The following SRGAP2 variants were observed in gnomAD, a reference collection of about 807,000 sequenced individuals.
The protein encoded by SRGAP2 is SLIT-ROBO Rho GTPase activating protein 2.
In SRGAP2, 15 loss-of-function variants were observed where a neutral mutation model predicts 57.2. The ratio of observed to expected loss-of-function variants is 0.26; its 90% confidence interval spans 0.18 to 0.40. The LOEUF is 0.40. Among genes scored for constraint, SRGAP2 ranks in the 10% least tolerant of loss-of-function variants. The probability of loss-of-function intolerance (pLI) is 1.00; values close to 1 mark genes in which losing one functional copy is unlikely to be tolerated. For synonymous variants in SRGAP2, 249 were observed against 248.0 expected (o/e 1.00, Z -0.04); for missense variants, 520 against 669.6 (o/e 0.78, Z 2.47).
chr1:206,371,532 C>T (rs1401979732), intron 4 of SRGAP2, among the ~76,000 whole-genome samples: 7 of 148,970 alleles, frequency 4.7e-5, no homozygotes, highest in Non-Finnish European at 1.0e-4. Context: ...AGATTGAGAC[C>T]ATCCTGGATA....
At chr1:206,385,006 T>C (rs1170497666) in intron 5 of SRGAP2, among the ~76,000 whole-genome samples, 9 of 149,268 alleles carry the variant, frequency 6.0e-5, no homozygotes, top group Non-Finnish European at 1.0e-4. Context: ...TTTTCTTCCT[T>C]TGTTTTTTTT....
chr1:206,453,328 C>T lies in SRGAP2; in HGVS notation c.2308C>T (p.His770Tyr). Residue 770 changes from histidine to tyrosine, a missense_variant, in exon 20 of 23, where the codon CAC becomes TAC. Physicochemically the swap from His to Tyr is moderately conservative, Grantham distance 83 (BLOSUM62 2). Around this residue, in one of 5 missense-constraint regions of SRGAP2, gnomAD observed 478 missense variants for 373.6 expected, o/e 1.28. Transcript: ENST00000573034. Reference protein sequence around the residue: ...RASDDWWEGRHNGIDGLIPHQ... With the variant: ...RASDDWWEGRYNGIDGLIPHQ... ...TTCCGACGACTGGTGGGAAGGCCGG[C>T]ACAATGGCATCGACGGACTCATCCC... 1.3e-6 allele frequency: 1 copy of T among 755,498 alleles called. No homozygotes were observed. The highest frequency in any genetic ancestry group is 2.6e-5 in the East Asian group (1 of 38,546). The allele number at this position is 755,498 out of a possible 1,614,324, so 46.8% of individuals were successfully genotyped here.
intron 2 of SRGAP2, among the ~76,000 whole-genome samples, chr1:206,256,050 A>G (rs1317485393): frequency 6.7e-6 from 1 of 149,858 alleles, no homozygotes; most frequent in Non-Finnish European, 1.5e-5. Flanking sequence ...TTTATAGTCT[A>G]TTATTTCTGG....
chr1:206,393,794 G>A, intron 7 of SRGAP2, 121 bp downstream of exon 7: 1 of 504,080 alleles, frequency 2.0e-6, no homozygotes. Context: ...TAGGAAGATA[G>A]CAGCCATGAT....
chr1:206,451,699 C>T (rs782761443), intron 19 of SRGAP2, among the ~76,000 whole-genome samples: 17 of 152,276 alleles, frequency 1.1e-4, no homozygotes, highest in African/African-American at 3.8e-4. Context: ...GAGCCTACCT[C>T]GTGGCCAGCT....
intron 4 of SRGAP2, among the ~76,000 whole-genome samples, chr1:206,376,146 A>G (rs567573327): frequency 1.3e-5 from 2 of 151,136 alleles, no homozygotes; most frequent in Non-Finnish European, 3.0e-5. Flanking sequence ...AGGTAATTGT[A>G]TCCTCCTTAT....
intron 21 of SRGAP2, among the ~76,000 whole-genome samples, chr1:206,457,183 G>A (rs1386338022): frequency 1.3e-5 from 2 of 152,022 alleles, no homozygotes; most frequent in Non-Finnish European, 2.9e-5. Flanking sequence ...TTCAGCCCAT[G>A]AGTCAGCTAT....
rs2103239458 is a variant in SRGAP2, at chr1:206,419,490, G to C, written c.1469+90G>C. The stretch of plus-strand genomic sequence containing the variant: ...TGGGAGAGAGCCAAGGAGTTGAGTT[G>C]TAAAGGCATTGAATGACTTTACAAA... On this transcript the variant is annotated intron_variant, in intron 12 of 22. Coordinates refer to ENST00000573034, the MANE Select transcript of SRGAP2 (RefSeq NM_015326.5). The C allele has an allele frequency of 5.2e-6, 4 of 771,052 alleles. No homozygotes were observed. The East Asian group carries it at 9.8e-5, about 19-fold the overall frequency. 47.8% of individuals were successfully genotyped at this position (771,052 alleles called of 1,614,324 possible). A position where few individuals can be genotyped will look rare whatever the true frequency, so the allele number is the denominator to read the frequency against.
At chr1:206,447,186 C>T (rs531490417) in intron 18 of SRGAP2, among the ~76,000 whole-genome samples, 45 of 151,730 alleles carry the variant, frequency 3.0e-4, no homozygotes, top group African/African-American at 9.2e-4. Context: ...TCCCCCTCCT[C>T]CTCCCCCTCC....
At chr1:206,393,909 CAG>C (rs1455821525) in intron 7 of SRGAP2, among the ~76,000 whole-genome samples, 1 of 139,820 alleles carries the variant, frequency 7.2e-6, no homozygotes, top group Non-Finnish European at 1.6e-5. Flanking sequence ...TACAGATTAA[CAG>C]AGAGTTTAGA....
At chr1:206,263,058 G>A (rs1244650300) in intron 2 of SRGAP2, among the ~76,000 whole-genome samples, 1 of 150,672 alleles carries the variant, frequency 6.6e-6, no homozygotes, top group African/African-American at 2.4e-5. Flanking sequence ...CTTTTGATTG[G>A]GCAATTAAGA....
At chr1:206,326,433 C>A (rs1165338927) in intron 3 of SRGAP2, among the ~76,000 whole-genome samples, 1 of 152,222 alleles carries the variant, frequency 6.6e-6, no homozygotes, top group Non-Finnish European at 1.5e-5. Context: ...TTCATGGACC[C>A]TTGGTATTCT....
chr1:206,404,404 G>T (rs1406466127), intron 8 of SRGAP2, among the ~76,000 whole-genome samples: 1 of 152,228 alleles, frequency 6.6e-6, no homozygotes, highest in Non-Finnish European at 1.5e-5. Context: ...ATGTCTCTCT[G>T]CAGACAAGAG....
intron 4 of SRGAP2, among the ~76,000 whole-genome samples, chr1:206,367,252 A>G (rs1654098027): frequency 1.3e-5 from 2 of 152,186 alleles, no homozygotes; most frequent in African/African-American, 4.8e-5. Flanking sequence ...TCTTTTGTAT[A>G]TGTCTTTCTT....
At chr1:206,276,941 A>C (rs1262863267) in intron 2 of SRGAP2, among the ~76,000 whole-genome samples, 10 of 149,740 alleles carry the variant, frequency 6.7e-5, no homozygotes, top group Non-Finnish European at 1.2e-4. Flanking sequence ...TTTAGGATAC[A>C]TCCCCAAATG....
intron 18 of SRGAP2, among the ~76,000 whole-genome samples, chr1:206,447,668 T>A (rs1046110540): frequency 3.3e-5 from 5 of 152,188 alleles, no homozygotes. Context: ...AGCTTTGGTT[T>A]TCCCCCTTGC....
intron 4 of SRGAP2, among the ~76,000 whole-genome samples, chr1:206,362,800 A>G (rs1677008455): frequency 6.6e-6 from 1 of 151,780 alleles, no homozygotes; most frequent in Non-Finnish European, 1.5e-5. Context: ...AAGTGGAAAC[A>G]GTATGTTTCC....
intron 2 of SRGAP2, among the ~76,000 whole-genome samples, chr1:206,289,197 A>T: frequency 7.8e-6 from 1 of 128,344 alleles, no homozygotes. Flanking sequence ...ACCCATTCCC[A>T]CTCTCCTCCA....
chr1:206,253,841 G>A (rs1212727286), intron 2 of SRGAP2, among the ~76,000 whole-genome samples: 1 of 150,068 alleles, frequency 6.7e-6, no homozygotes, highest in East Asian at 1.9e-4. Flanking sequence ...TATGCAGTCT[G>A]TGGCATTCTG....
Sources: allele counts gnomAD v4.1 joint callset (sites outside exome capture counted in the v4.1 genomes callset), GRCh38; gene constraint gnomAD v4.1.1; regional missense constraint gnomAD v4.1.1; transcripts MANE v1.5; gene names NCBI Gene and HGNC (gene_info 2026-07-23, HGNC 2026-07-21).